ITGA11: variants seen among roughly 807,000 people sequenced by gnomAD.
ITGA11 encodes integrin subunit alpha 11, also known as integrin alpha-11.
ITGA11 carries 97 observed loss-of-function variants against 141.9 expected under a neutral mutation model. The ratio of observed to expected loss-of-function variants is 0.68; its 90% confidence interval spans 0.58 to 0.81. ITGA11 has a LOEUF of 0.81. Among genes scored for constraint, ITGA11 ranks in the 30% least tolerant of loss-of-function variants. The pLI, the probability that ITGA11 is intolerant of heterozygous loss-of-function variation, is 0.00. For synonymous variants in ITGA11, 658 were observed against 624.6 expected, an observed-to-expected ratio of 1.05 and a Z score of -0.80; for missense variants, 1,387 against 1,559.2, an observed-to-expected ratio of 0.89 and a Z score of 1.86.
rs1169290532 is a variant in ITGA11 at position 68,331,842 on chromosome 15, C to T, written c.1770+17G>A. The T allele has an allele frequency of 6.2e-7, 1 of 1,603,126 alleles. No individual in the cohort carries two copies. Among genetic ancestry groups the T allele is most frequent in the Non-Finnish European group, 8.5e-7 (1 of 1,174,536 alleles). On this transcript the variant is annotated intron_variant, in intron 14 of 29. Coordinates refer to ENST00000315757, the MANE Select transcript of ITGA11 (RefSeq NM_001004439.2). Reference sequence around the variant, plus strand: ...GCAGCCCCATTTGCTCCATCCGCTTCCCCAGGGAAGCCTGACCTGCTTAGG... The same window carrying T: ...GCAGCCCCATTTGCTCCATCCGCTTTCCCAGGGAAGCCTGACCTGCTTAGG...
intron 2 of ITGA11, among the ~76,000 whole-genome samples, chr15:68,402,412 T>A (rs1896533581): frequency 6.6e-6 from 1 of 152,142 alleles, no homozygotes; most frequent in Non-Finnish European, 1.5e-5. Flanking sequence ...ATAAAGTTAT[T>A]TTTAAAATTG....
At chr15:68,405,744 C>A (rs1346594472) in intron 1 of ITGA11, among the ~76,000 whole-genome samples, 1 of 151,506 alleles carries the variant, frequency 6.6e-6, no homozygotes, top group Non-Finnish European at 1.5e-5. Flanking sequence ...GAGAGAGACA[C>A]CAGTGTCACC....
intron 3 of ITGA11, among the ~76,000 whole-genome samples, chr15:68,365,793 T>A (rs1895404205): frequency 6.6e-6 from 1 of 151,578 alleles, no homozygotes; most frequent in African/African-American, 2.4e-5. Context: ...TAGAGTGGAG[T>A]GGCACCATCG....
intron 2 of ITGA11, among the ~76,000 whole-genome samples, chr15:68,401,251 A>G (rs1361843510): frequency 3.3e-5 from 5 of 152,130 alleles, no homozygotes; most frequent in African/African-American, 1.2e-4. Flanking sequence ...CTCTTGTTTT[A>G]CTAGAGAGAG....
At position 68,413,999 on chromosome 15, in the gene ITGA11, C is replaced by T. The variant is rs1189722790; in HGVS notation, c.53-10970G>A. On this transcript the variant is annotated intron_variant, in intron 1 of 29. Transcript: ENST00000315757. The stretch of plus-strand genomic sequence containing the variant: ...TGTACCATGGAGACTTGGCTGGGCC[C>T]TCCTGCCCTGGCTGGGGCTTCTGGA... Among the ~76,000 whole-genome samples, 5 of 152,240 alleles carry T rather than the reference C, an allele frequency of 3.3e-5. No homozygotes were observed. The East Asian group carries it at 9.6e-4, about 29-fold the overall frequency.
rs1895307063 is a variant in ITGA11, at chr15:68,363,178, A to C, written c.358-1474T>G. 1.3e-5 allele frequency among the ~76,000 whole-genome samples: 2 copies of C among 152,192 alleles called. 1 individual carries two copies. Among genetic ancestry groups the C allele is most frequent in the South Asian group, 4.1e-4 (2 of 4,834 alleles). On this transcript the variant is annotated intron_variant, in intron 4 of 29. Coordinates refer to ENST00000315757, the MANE Select transcript of ITGA11 (RefSeq NM_001004439.2). Reference sequence around the variant, plus strand: ...CATGGGTGGTTGGATAGATGAATGGAGGAATGAATTGTTGAGAGGGGAATG... The same window carrying C: ...CATGGGTGGTTGGATAGATGAATGGCGGAATGAATTGTTGAGAGGGGAATG...
chr15:68,309,902 C>G (rs1893325135), intron 26 of ITGA11, among the ~76,000 whole-genome samples: 1 of 152,134 alleles, frequency 6.6e-6, no homozygotes, highest in African/African-American at 2.4e-5. Flanking sequence ...CGTGCACGGC[C>G]TAATGCAGTT....
intron 2 of ITGA11, among the ~76,000 whole-genome samples, chr15:68,390,526 ACT>A (rs1896092685): frequency 1.3e-5 from 2 of 152,084 alleles, no homozygotes; most frequent in Non-Finnish European, 2.9e-5. Context: ...CCCCTGGGAA[ACT>A]CTTTCAAACA....
chr15:68,367,262 A>C (rs1567146724), intron 3 of ITGA11, among the ~76,000 whole-genome samples: 1 of 152,036 alleles, frequency 6.6e-6, no homozygotes, highest in Non-Finnish European at 1.5e-5. Context: ...TTGGTTCACG[A>C]ATCCACGTCC....
At chr15:68,416,273 G>A (rs543764466) in intron 1 of ITGA11, among the ~76,000 whole-genome samples, 32 of 152,298 alleles carry the variant, frequency 2.1e-4, no homozygotes, top group Middle Eastern at 3.4e-3. Flanking sequence ...TCAATCTGGG[G>A]CTGGGCAGCC....
At chr15:68,336,860 T>G (rs1324100854) in intron 11 of ITGA11, among the ~76,000 whole-genome samples, 1 of 152,032 alleles carries the variant, frequency 6.6e-6, no homozygotes, top group Non-Finnish European at 1.5e-5. Context: ...GCTTCTAGAG[T>G]GGCTATAGGG....
chr15:68,432,081 C>T lies in ITGA11; in HGVS notation c.-15G>A. On this transcript the variant is annotated 5_prime_UTR_variant, in exon 1 of 30. Transcript: ENST00000315757. ...GGCAGGTCCATGGCCCGCGGCACGG[C>T]GGCTGGGTCCGGTGTGCAGCGGCGG... 7.3e-7 allele frequency: 1 copy of T among 1,366,476 alleles called. No homozygotes were observed. Among genetic ancestry groups the T allele is most frequent in the South Asian group, 2.0e-5 (1 of 49,360 alleles). The allele number at this position is 1,366,476 out of a possible 1,614,324, so 84.6% of individuals were successfully genotyped here.
In ITGA11 at chr15:68,335,581, C is replaced by T. The variant is rs1005140721; in HGVS notation, c.1425+116G>A. ...GGCAGCATGAAGGTGGCTGGAGGAA[C>T]ATGACTGCCCTTTGGGGCACCCAGT... is the stretch of plus-strand genomic sequence containing the variant. On this transcript the variant is annotated intron_variant, in intron 12 of 29. Coordinates refer to ENST00000315757, the MANE Select transcript of ITGA11 (RefSeq NM_001004439.2). The surrounding 1 kb of genome is among the most constrained non-coding windows in gnomAD (Gnocchi z 4.9). 9.9e-6 allele frequency: 12 copies of T among 1,210,104 alleles called. No homozygotes were observed. In the Admixed American group the frequency reaches 1.4e-4, roughly 14 times the overall value. 75.0% of individuals were successfully genotyped at this position (1,210,104 alleles called of 1,614,324 possible). A position where few individuals can be genotyped will look rare whatever the true frequency, so the allele number is the denominator to read the frequency against.
chr15:68,311,401 G>C lies in ITGA11; in HGVS notation c.2976C>G (p.Ile992Met). Residue 992 changes from isoleucine to methionine, a missense_variant and splice_region_variant, in exon 25 of 30, where the codon ATC (isoleucine) becomes ATG (methionine). Transcript: ENST00000315757. ...IGPPFSCIFRIQNLGLFPIHG... is the reference protein window; with the variant it reads ...IGPPFSCIFRMQNLGLFPIHG... The stretch of plus-strand genomic sequence containing the variant: ...GGATGGGGAACAAGCCCAAGTTCTG[G>C]ATCTGTGGCCAGAGACAGGGAGGTG... The C allele has an allele frequency of 1.3e-6, 2 of 1,556,268 alleles. No homozygotes were observed. Among genetic ancestry groups the C allele is most frequent in the Non-Finnish European group, 1.7e-6 (2 of 1,148,178 alleles).
In ITGA11 at chr15:68,297,879, A is replaced by T. The variant is rs1046402185; in HGVS notation, c.*5180T>A. On this transcript the variant is annotated 3_prime_UTR_variant, in exon 30 of 30. Transcript: ENST00000315757. ...ACCCTCTCATTTTATAGTTCAGGAC[A>T]CAAGCCCAGAAAGGCCACACAAGGA... The T allele has an allele frequency of 6.6e-6, 1 of 152,182 alleles. No homozygotes were observed. The highest frequency in any genetic ancestry group is 2.4e-5 in the African/African-American group (1 of 41,428). The allele number at this position is 152,182 out of a possible 1,614,324, so 9.4% of individuals were successfully genotyped here. A position where few individuals can be genotyped will look rare whatever the true frequency, so the allele number is the denominator to read the frequency against.
chr15:68,400,953 ATAT>A (rs1431839541), intron 2 of ITGA11, among the ~76,000 whole-genome samples: 1 of 114,678 alleles, frequency 8.7e-6, no homozygotes, highest in Non-Finnish European at 1.7e-5. Context: ...AAATATTATA[ATAT>A]TATATATATT....
chr15:68,335,567 G>T lies in ITGA11; in HGVS notation c.1425+130C>A. ...CTCCTGCCACTCCTGGCAGCATGAA[G>T]GTGGCTGGAGGAACATGACTGCCCT... On this transcript the variant is annotated intron_variant, in intron 12 of 29. Transcript: ENST00000315757. The surrounding 1 kb of genome is among the most constrained non-coding windows in gnomAD (Gnocchi z 4.9). 9.6e-7 allele frequency: 1 copy of T among 1,037,096 alleles called. No homozygotes were observed. The highest frequency in any genetic ancestry group is 1.4e-6 in the Non-Finnish European group (1 of 703,262). The allele number at this position is 1,037,096 out of a possible 1,614,324, so 64.2% of individuals were successfully genotyped here. A position where few individuals can be genotyped will look rare whatever the true frequency, so the allele number is the denominator to read the frequency against.
Position 68,361,696 on chromosome 15 carries a change from G to A in ITGA11, c.366C>T (p.Ser122=), listed in dbSNP as rs572375927. 1 of 1,603,720 alleles carries A rather than the reference G, an allele frequency of 6.2e-7. No individual in the cohort carries two copies. Among genetic ancestry groups the A allele is most frequent in the African/African-American group, 1.3e-5 (1 of 74,856 alleles). The change falls in exon 5 of 30, where the codon AGC becomes AGT. Residue 122 remains serine, a synonymous_variant. Transcript: ENST00000315757. ...TCCCACACTCATGAGACCAGAGGGG[G>A]CTGCAGGCCTGGGGAGGGCAGTGCA... is the stretch of plus-strand genomic sequence containing the variant. ...NPKDNSFLAC[S]PLWSHECGSS... is the part of the protein sequence containing the mutation.
chr15:68,426,183 T>C (rs1013823595), intron 1 of ITGA11, among the ~76,000 whole-genome samples: 6 of 152,222 alleles, frequency 3.9e-5, no homozygotes, highest in Non-Finnish European at 8.8e-5. Flanking sequence ...CCTTTATTCC[T>C]TGGGCTCAAG....
Sources: allele counts gnomAD v4.1 joint callset (sites outside exome capture counted in the v4.1 genomes callset), GRCh38; gene constraint gnomAD v4.1.1; non-coding constraint Gnocchi (gnomAD v3.1); transcripts MANE v1.5; gene names NCBI Gene and HGNC (gene_info 2026-07-23, HGNC 2026-07-21).